The following CDH10 variants were observed in gnomAD, a reference collection of about 807,000 sequenced individuals.
CDH10 encodes cadherin-10.
Under a neutral mutation model 73.1 loss-of-function variants are expected in CDH10, and 30 were observed. The observed-to-expected ratio is 0.41, with a 90% CI of 0.31 to 0.56. CDH10 has a LOEUF of 0.56. Ranked by LOEUF, CDH10 falls within the 20% of genes least tolerant of loss-of-function variation. The pLI, the probability that CDH10 is intolerant of heterozygous loss-of-function variation, is 0.27. For missense variants in CDH10, 815 were observed against 973.7 expected (o/e 0.84, Z 2.17); for synonymous variants, 345 against 348.2 (o/e 0.99, Z 0.10).
intron 6 of CDH10, among the ~76,000 whole-genome samples, chr5:24,511,016 A>G (rs1742882843): frequency 6.6e-6 from 1 of 152,220 alleles, no homozygotes; most frequent in Admixed American, 6.5e-5. Context: ...TTAACTACAC[A>G]ATTTAAAATA....
chr5:24,630,567 G>T (rs982965000), intron 1 of CDH10, among the ~76,000 whole-genome samples: 1 of 123,878 alleles, frequency 8.1e-6, no homozygotes, highest in Admixed American at 8.3e-5. Context: ...AAAAAAAAAA[G>T]AATATCAAGA....
At chr5:24,577,265 T>C (rs62349609) in intron 2 of CDH10, among the ~76,000 whole-genome samples, 3 of 152,020 alleles carry the variant, frequency 2.0e-5, no homozygotes, top group African/African-American at 2.4e-5. Context: ...GGCTGATTAT[T>C]TGTGACAAAA....
At chr5:24,604,642 G>A (rs969549660) in intron 1 of CDH10, among the ~76,000 whole-genome samples, 2 of 152,080 alleles carry the variant, frequency 1.3e-5, no homozygotes, top group Non-Finnish European at 2.9e-5. Flanking sequence ...GGAGGCTGAG[G>A]CCGGCAGATC....
intron 1 of CDH10, among the ~76,000 whole-genome samples, chr5:24,622,884 A>G (rs1238217861): frequency 6.6e-6 from 1 of 152,238 alleles, no homozygotes; most frequent in South Asian, 2.1e-4. Flanking sequence ...ATTTTTAAAA[A>G]GTTAGAAATT....
chr5:24,531,783 T>C (rs1743762236), intron 5 of CDH10, among the ~76,000 whole-genome samples: 1 of 152,052 alleles, frequency 6.6e-6, no homozygotes. Context: ...ACCATATCAA[T>C]GGTATTTGGT....
intron 2 of CDH10, among the ~76,000 whole-genome samples, chr5:24,559,855 C>A (rs2111983290): frequency 6.6e-6 from 1 of 152,220 alleles, no homozygotes; most frequent in Admixed American, 6.5e-5. Context: ...ATACCCCTAT[C>A]AGTTTCTTTA....
chr5:24,603,156 G>A (rs886740756), intron 1 of CDH10, among the ~76,000 whole-genome samples: 1 of 152,090 alleles, frequency 6.6e-6, no homozygotes. Context: ...ACATGATAAG[G>A]AAGTACAAGT....
At chr5:24,617,871 C>A (rs1747176592) in intron 1 of CDH10, among the ~76,000 whole-genome samples, 1 of 152,134 alleles carries the variant, frequency 6.6e-6, no homozygotes, top group African/African-American at 2.4e-5. Flanking sequence ...CCCAATTGGT[C>A]ATCTTGTGAA....
intron 2 of CDH10, among the ~76,000 whole-genome samples, chr5:24,584,477 A>T (rs11954581): frequency 0.01 from 820 of 79,890 alleles, 2 homozygotes; most frequent in Middle Eastern, 0.019. Context: ...TGTGTGTGTG[A>T]GAGAGAGAGA....
chr5:24,585,419 C>A (rs1398097175), intron 2 of CDH10, among the ~76,000 whole-genome samples: 1 of 152,030 alleles, frequency 6.6e-6, no homozygotes, highest in Non-Finnish European at 1.5e-5. Flanking sequence ...CATACTTTTT[C>A]TTTAAAAAAC....
At chr5:24,636,219 A>G (rs1405781893) in intron 1 of CDH10, among the ~76,000 whole-genome samples, 1 of 151,990 alleles carries the variant, frequency 6.6e-6, no homozygotes. Flanking sequence ...AAGTATAATT[A>G]TTAACCCCAT....
At chr5:24,633,598 G>C (rs189212642) in intron 1 of CDH10, among the ~76,000 whole-genome samples, 1 of 151,872 alleles carries the variant, frequency 6.6e-6, no homozygotes, top group African/African-American at 2.4e-5. Context: ...ATTTTTCCTT[G>C]AGAAGGTTAA....
At chr5:24,615,283 T>C (rs1383799718) in intron 1 of CDH10, among the ~76,000 whole-genome samples, 2 of 152,210 alleles carry the variant, frequency 1.3e-5, no homozygotes. Context: ...ATTTCAAATA[T>C]TTTATATTTC....
chr5:24,589,396 T>A (rs1427576975), intron 2 of CDH10, among the ~76,000 whole-genome samples: 1 of 152,062 alleles, frequency 6.6e-6, no homozygotes, highest in Non-Finnish European at 1.5e-5. Flanking sequence ...TAAGAAGCCA[T>A]GAAGAAATAA....
At chr5:24,625,959 C>A (rs1747482173) in intron 1 of CDH10, among the ~76,000 whole-genome samples, 1 of 151,960 alleles carries the variant, frequency 6.6e-6, no homozygotes, top group Non-Finnish European at 1.5e-5. Context: ...ATCATGTTCT[C>A]TTATCATGAT....
intron 2 of CDH10, among the ~76,000 whole-genome samples, chr5:24,586,659 G>C (rs564974311): frequency 6.6e-6 from 1 of 151,108 alleles, no homozygotes; most frequent in Admixed American, 6.6e-5. Context: ...TGGTCAGGCT[G>C]GTCTCGAACT....
chr5:24,603,235 C>A (rs1746631131), intron 1 of CDH10, among the ~76,000 whole-genome samples: 1 of 152,156 alleles, frequency 6.6e-6, no homozygotes, highest in African/African-American at 2.4e-5. Context: ...TCAATTCAAT[C>A]TGCACATTTT....
At chr5:24,615,405 A>AT (rs1261544935) in intron 1 of CDH10, among the ~76,000 whole-genome samples, 1 of 152,146 alleles carries the variant, frequency 6.6e-6, no homozygotes, top group Non-Finnish European at 1.5e-5. Context: ...TCACAATGTG[A>AT]TTTTTATAGT....
At chr5:24,613,795 C>T (rs1747035681) in intron 1 of CDH10, among the ~76,000 whole-genome samples, 2 of 151,928 alleles carry the variant, frequency 1.3e-5, no homozygotes, top group African/African-American at 2.4e-5. Flanking sequence ...AGGGCTTTTT[C>T]GAACTGGGTA....
Sources: allele counts gnomAD v4.1 joint callset (sites outside exome capture counted in the v4.1 genomes callset), GRCh38; gene constraint gnomAD v4.1.1; transcripts MANE v1.5; gene names NCBI Gene and HGNC (gene_info 2026-07-23, HGNC 2026-07-21).